Variants in OLA1 observed in about 807,000 individuals in gnomAD.
OLA1 encodes the protein obg-like ATPase 1.
OLA1 carries 14 observed loss-of-function variants against 48.4 expected under a neutral mutation model. The ratio of observed to expected loss-of-function variants is 0.29; its 90% CI spans 0.19 to 0.45. The LOEUF (loss-of-function observed/expected upper bound fraction) is 0.45, where lower values mean the gene tolerates loss of function less well. Ranked by LOEUF, OLA1 falls within the 20% of genes least tolerant of loss-of-function variation. The pLI, the probability that OLA1 is intolerant of heterozygous loss-of-function variation, is 1.00. For missense variants in OLA1, 325 were observed against 467.1 expected (o/e 0.70, Z 2.80); for synonymous variants, 127 against 150.4 (o/e 0.84, Z 1.14).
intron 7 of OLA1, among the ~76,000 whole-genome samples, chr2:174,120,260 T>C (rs1158181032): frequency 6.6e-6 from 1 of 152,130 alleles, no homozygotes; most frequent in Non-Finnish European, 1.5e-5. Context: ...TAATGTCCTG[T>C]ACCTGCTTGA....
intron 5 of OLA1, among the ~76,000 whole-genome samples, chr2:174,126,561 C>G (rs1686049043): frequency 6.6e-6 from 1 of 152,110 alleles, no homozygotes; most frequent in South Asian, 2.1e-4. Flanking sequence ...TGGACTAATT[C>G]AAGAGGTAAC....
At chr2:174,107,786 G>A (rs768513148) in intron 7 of OLA1, among the ~76,000 whole-genome samples, 7 of 152,058 alleles carry the variant, frequency 4.6e-5, no homozygotes, top group African/African-American at 1.7e-4. Context: ...ATTATAGAAT[G>A]AGAATATGAA....
intron 4 of OLA1, among the ~76,000 whole-genome samples, chr2:174,220,596 T>C (rs1034723520): frequency 6.6e-6 from 1 of 152,164 alleles, no homozygotes; most frequent in Non-Finnish European, 1.5e-5. Context: ...AGCACACTTA[T>C]AAGAGTCAAA....
Position 174,107,410 on chromosome 2 carries a change from C to G in OLA1, c.728+15770G>C, listed in dbSNP as rs77483172. 2.6e-5 allele frequency among the ~76,000 whole-genome samples: 4 copies of G among 152,228 alleles called. No homozygotes were observed. The South Asian group carries it at 6.2e-4, about 24-fold the overall frequency. ...AAGCAATTTCCCACAGTGGGACTTACAGTTCAATTTACCAGTTGGGCAAAT... is the reference window on the plus strand; with the variant it reads ...AAGCAATTTCCCACAGTGGGACTTAGAGTTCAATTTACCAGTTGGGCAAAT... On this transcript the variant is annotated intron_variant, in intron 7 of 10. Transcript: ENST00000284719.
intron 4 of OLA1, among the ~76,000 whole-genome samples, chr2:174,181,722 G>A (rs1219354369): frequency 1.3e-5 from 2 of 152,282 alleles, no homozygotes; most frequent in Non-Finnish European, 2.9e-5. Context: ...AAATATTTAC[G>A]TGATTTTTTC....
Position 174,141,833 on chromosome 2 carries a change from G to A in OLA1, c.541C>T (p.Pro181Ser). 1.3e-6 allele frequency: 2 copies of A among 1,598,402 alleles called. No individual in the cohort carries two copies. Among genetic ancestry groups the A allele is most frequent in the Non-Finnish European group, 1.7e-6 (2 of 1,176,358 alleles). ...AVRGGDKKLK[P>S]EYDIMCKVKS... ...TGTAAATTTTTACTTACATATTCAG[G>A]TTTTAGTTTTTTATCTCCTCCTCTC... Residue 181 changes from proline (P) to serine (S), a missense_variant, in exon 5 of 11, where the codon CCT (proline) becomes TCT (serine). Coordinates refer to ENST00000284719, the MANE Select transcript of OLA1 (RefSeq NM_013341.5).
chr2:174,079,759 T>C (rs1684819992), intron 9 of OLA1, among the ~76,000 whole-genome samples: 1 of 151,890 alleles, frequency 6.6e-6, no homozygotes, highest in Non-Finnish European at 1.5e-5. Context: ...ATTTGAGAAA[T>C]AACGGTGACC....
At chr2:174,246,624 T>TA in intron 2 of OLA1, 91 bp downstream of exon 2, 2 of 834,426 alleles carry the variant, frequency 2.4e-6, no homozygotes, top group Non-Finnish European at 4.0e-6. Flanking sequence ...TTCTTCAACT[T>TA]AAAGTTTAAT....
intron 4 of OLA1, among the ~76,000 whole-genome samples, chr2:174,183,935 T>C (rs1308165212): frequency 3.3e-5 from 5 of 152,194 alleles, no homozygotes; most frequent in African/African-American, 9.7e-5. Context: ...ACTGGGGCTT[T>C]GGGGTTGAGA....
chr2:174,075,210 C>T lies in OLA1; in HGVS notation c.*216G>A, dbSNP rs1227343252. The T allele has an allele frequency of 2.5e-5, 11 of 447,516 alleles. No homozygotes were observed. Among genetic ancestry groups the T allele is most frequent in the Admixed American group, 1.2e-4 (3 of 24,866 alleles). 27.7% of individuals were successfully genotyped at this position (447,516 alleles called of 1,614,324 possible). A position where few individuals can be genotyped will look rare whatever the true frequency, so the allele number is the denominator to read the frequency against. ...ACAATTTGGAGTAGGGTCTTAATCA[C>T]GTGAAAAGCAAAGCTGTTCACATTT... On this transcript the variant is annotated 3_prime_UTR_variant, in exon 11 of 11. Coordinates refer to ENST00000284719, the MANE Select transcript of OLA1 (RefSeq NM_013341.5).
At chr2:174,095,142 C>T (rs12622077) in intron 7 of OLA1, among the ~76,000 whole-genome samples, 83,028 of 151,824 alleles carry the variant, frequency 0.55, 23,437 homozygotes, top group East Asian at 0.95. Flanking sequence ...AAGCCCCTGC[C>T]TTCAATTCTT....
intron 10 of OLA1, among the ~76,000 whole-genome samples, chr2:174,078,185 T>A: frequency 6.6e-6 from 1 of 152,006 alleles, no homozygotes; most frequent in East Asian, 1.9e-4. Flanking sequence ...TTTCAACTTA[T>A]GAAATAGTAA....
chr2:174,116,101 T>TAA (rs1685774722), intron 7 of OLA1, among the ~76,000 whole-genome samples: 1 of 152,228 alleles, frequency 6.6e-6, no homozygotes, highest in Admixed American at 6.5e-5. Context: ...GACAGTTTTT[T>TAA]TTACCAAGTT....
At position 174,075,389 on chromosome 2, in the gene OLA1, T is replaced by A; in HGVS notation, c.*37A>T. 7.9e-7 allele frequency: 1 copy of A among 1,270,424 alleles called. No individual in the cohort carries two copies. Among genetic ancestry groups the A allele is most frequent in the South Asian group, 1.3e-5 (1 of 78,656 alleles). 78.7% of individuals were successfully genotyped at this position (1,270,424 alleles called of 1,614,324 possible). Reference sequence around the variant, plus strand: ...TAATTTTTTAAAAATCAGATGCCTTTTGGAAGTTGTATGTTTATCTGAGCA... The same window carrying A: ...TAATTTTTTAAAAATCAGATGCCTTATGGAAGTTGTATGTTTATCTGAGCA... On this transcript the variant is annotated 3_prime_UTR_variant, in exon 11 of 11. Transcript: ENST00000284719.
At chr2:174,132,239 C>T (rs1307142839) in intron 5 of OLA1, among the ~76,000 whole-genome samples, 1 of 151,530 alleles carries the variant, frequency 6.6e-6, no homozygotes, top group Non-Finnish European at 1.5e-5. Context: ...TTTTCTTTTT[C>T]CCCGTTCACT....
At chr2:174,095,840 A>G (rs545170300) in intron 7 of OLA1, among the ~76,000 whole-genome samples, 2 of 152,314 alleles carry the variant, frequency 1.3e-5, no homozygotes, top group East Asian at 3.9e-4. Flanking sequence ...ATAAAAAGAC[A>G]GAAATTAAGT....
intron 7 of OLA1, among the ~76,000 whole-genome samples, chr2:174,090,286 G>C (rs115330285): frequency 6.6e-6 from 1 of 152,068 alleles, no homozygotes; most frequent in Non-Finnish European, 1.5e-5. Flanking sequence ...TAACTGGAAG[G>C]CTACCACAAA....
Position 174,150,656 on chromosome 2 carries a change from C to T in OLA1, c.374-8656G>A, listed in dbSNP as rs184728724. ...AACTGCCACCCTTTCAACACATATG[C>T]AAACTACAATATGCCTTGTTAAATA... On this transcript the variant is annotated intron_variant, in intron 4 of 10. Coordinates refer to ENST00000284719, the MANE Select transcript of OLA1 (RefSeq NM_013341.5). 1.3e-3 allele frequency among the ~76,000 whole-genome samples: 200 copies of T among 152,312 alleles called. 2 individuals are homozygous for T. The Middle Eastern group carries it at 0.014, about 10-fold the overall frequency.
chr2:174,210,217 G>A (rs924307489), intron 4 of OLA1, among the ~76,000 whole-genome samples: 5 of 152,002 alleles, frequency 3.3e-5, no homozygotes, highest in Admixed American at 1.3e-4. Flanking sequence ...TACTGAAAAC[G>A]AATACTGTAC....
Sources: gnomAD v4.1 joint callset for allele counts (sites outside exome capture counted in the v4.1 genomes callset) on GRCh38, gnomAD v4.1.1 for gene constraint, MANE v1.5 for transcripts, NCBI Gene and HGNC (gene_info 2026-07-23, HGNC 2026-07-21) for gene names.